PICALM: variants seen among roughly 807,000 people sequenced by gnomAD.
The protein encoded by PICALM is phosphatidylinositol-binding clathrin assembly protein.
In PICALM, 40 loss-of-function variants were observed where a neutral mutation model predicts 80.5. That is an observed-to-expected ratio of 0.50 (90% CI 0.39 to 0.65). The LOEUF is 0.65. Ranked by LOEUF, PICALM falls within the 30% of genes least tolerant of loss-of-function variation. The pLI is 0.00. For missense variants in PICALM, 676 were observed against 778.9 expected (o/e 0.87, Z 1.57); for synonymous variants, 288 against 260.3 (o/e 1.11, Z -1.02).
intron 1 of PICALM, among the ~76,000 whole-genome samples, chr11:86,061,942 C>T (rs1266904960): frequency 6.6e-6 from 1 of 151,894 alleles, no homozygotes; most frequent in East Asian, 1.9e-4. Flanking sequence ...AAAAAAAAAG[C>T]TGTCAAACCG....
chr11:86,024,945 T>G (rs754553131), intron 3 of PICALM, among the ~76,000 whole-genome samples: 1 of 152,206 alleles, frequency 6.6e-6, no homozygotes, highest in Non-Finnish European at 1.5e-5. Flanking sequence ...AGCCTCACTG[T>G]TGAATATTCC....
rs141075894 is a variant in PICALM at position 85,971,685 on chromosome 11, G to A, written c.1944+3023C>T. Among the ~76,000 whole-genome samples, 591 of 151,240 alleles carry A rather than the reference G, an allele frequency of 3.9e-3. 2 individuals carry two copies. Among genetic ancestry groups the A allele is most frequent in the Middle Eastern group, 0.01 (3 of 290 alleles). ...TGGGAGATGGAGGTTGCAGTGAGCC[G>A]AGATCGCACCACTGTACTCGAGTCT... On this transcript the variant is annotated intron_variant, in intron 19 of 19. Transcript: ENST00000393346.
intron 1 of PICALM, among the ~76,000 whole-genome samples, chr11:86,035,594 T>C (rs1177451077): frequency 1.3e-5 from 2 of 152,226 alleles, no homozygotes; most frequent in Admixed American, 6.5e-5. Flanking sequence ...ACTTCTTTTT[T>C]ACACCTGCCC....
At chr11:86,012,468 T>G (rs2095415224) in intron 5 of PICALM, 76 bp from the exon 6 acceptor site, 1 of 803,354 alleles carries the variant, frequency 1.2e-6, no homozygotes, top group Admixed American at 2.0e-5. Context: ...TCCTTCAAAT[T>G]AAGATACAGT....
chr11:85,990,282 G>T lies in PICALM; in HGVS notation c.1376C>A (p.Thr459Asn). Reference protein sequence around the residue: ...LSISSDVSTFTTRTPTHEMFV... With the variant: ...LSISSDVSTFNTRTPTHEMFV... ...CATTTCATGAGTAGGTGTCCTAGTA[G>T]TAAAAGTAGATACATCTGAAGAAAT... Residue 459 changes from threonine (T) to asparagine (N), a missense_variant, in exon 13 of 20, where the codon ACT becomes AAT. Physicochemically the swap from Thr to Asn is moderately conservative, Grantham distance 65 (BLOSUM62 0). Transcript: ENST00000393346. 1 of 1,605,726 alleles carries T rather than the reference G, an allele frequency of 6.2e-7. No homozygotes were observed. The highest frequency in any genetic ancestry group is 1.1e-5 in the South Asian group (1 of 90,568).
rs775072780 is a variant in PICALM at position 85,986,365 on chromosome 11, A to ATTTTTTT, written c.1409-2399_1409-2393dup. On this transcript the variant is annotated intron_variant, in intron 13 of 19. Transcript: ENST00000393346. The stretch of plus-strand genomic sequence containing the variant: ...AAACTATCAGGACTGCCAACTTTTA[A>ATTTTTTT]TTTTTTTTTTTTTTTTTTTTTTTTT... Among the ~76,000 whole-genome samples, 51 of 73,744 alleles carry ATTTTTTT rather than the reference A, an allele frequency of 6.9e-4. 8 individuals are homozygous for ATTTTTTT. Among genetic ancestry groups the ATTTTTTT allele is most frequent in the South Asian group, 2.5e-3 (4 of 1,622 alleles). The allele number at this position is 73,744 out of a possible 152,430, so 48.4% of individuals were successfully genotyped here. A position where few individuals can be genotyped will look rare whatever the true frequency, so the allele number is the denominator to read the frequency against.
At chr11:86,065,784 CA>C (rs1240312584) in intron 1 of PICALM, among the ~76,000 whole-genome samples, 7 of 151,884 alleles carry the variant, frequency 4.6e-5, no homozygotes, top group Admixed American at 3.9e-4. Context: ...ATAAGCAAAG[CA>C]AAAAAATCTT....
chr11:85,983,630 T>C lies in PICALM; in HGVS notation c.1516+236A>G, dbSNP rs113988407. 1.6e-3 allele frequency among the ~76,000 whole-genome samples: 245 copies of C among 152,290 alleles called. 2 individuals are homozygous for C. Among genetic ancestry groups the C allele is most frequent in the African/African-American group, 5.5e-3 (229 of 41,572 alleles). On this transcript the variant is annotated intron_variant, in intron 14 of 19. Coordinates refer to ENST00000393346, the MANE Select transcript of PICALM (RefSeq NM_007166.4). ...TTCTACAGAGCTAAATCTCTTTTTCTCTCTTATTTTGCTCTAGGACTAACT... is the reference window on the plus strand; with the variant it reads ...TTCTACAGAGCTAAATCTCTTTTTCCCTCTTATTTTGCTCTAGGACTAACT...
intron 1 of PICALM, among the ~76,000 whole-genome samples, chr11:86,042,418 A>T (rs2095989372): frequency 6.6e-6 from 1 of 152,060 alleles, no homozygotes; most frequent in African/African-American, 2.4e-5. Flanking sequence ...TTAAACAATA[A>T]GAAAACAAAC....
In PICALM at chr11:85,996,917, C is replaced by T; in HGVS notation, c.1167G>A (p.Leu389=). 1 of 1,610,778 alleles carries T rather than the reference C, an allele frequency of 6.2e-7. No individual in the cohort carries two copies. The highest frequency in any genetic ancestry group is 2.2e-5 in the East Asian group (1 of 44,690). ...GCTGCAAATCAAGCAGATCATTGGG[C>T]AGCTTTGATGTGCTAGAAAGATATT... ...TPSSSNSTSK[L]PNDLLDLQQP... Residue 389 remains leucine, a synonymous_variant, in exon 12 of 20, where the codon CTG becomes CTA. Transcript: ENST00000393346.
At chr11:86,038,329 T>TAAACA (rs1300345552) in intron 1 of PICALM, among the ~76,000 whole-genome samples, 1 of 147,662 alleles carries the variant, frequency 6.8e-6, no homozygotes, top group African/African-American at 2.5e-5. Context: ...CGAAAAAAAT[T>TAAACA]AAACAAAACA....
At chr11:85,978,050 G>T (rs371402533) in intron 17 of PICALM, 56 of 1,606,110 alleles carry the variant, frequency 3.5e-5, no homozygotes, top group Non-Finnish European at 4.6e-5. Context: ...TTGCAAAAAG[G>T]CTCGTTTTTG....
chr11:86,018,305 T>C (rs553380313), intron 4 of PICALM, among the ~76,000 whole-genome samples: 2 of 152,248 alleles, frequency 1.3e-5, no homozygotes, highest in South Asian at 2.1e-4. Flanking sequence ...AATCAACTAA[T>C]ATAAAATGAA....
At chr11:86,005,829 CCAT>C (rs890356519) in intron 8 of PICALM, among the ~76,000 whole-genome samples, 3 of 151,642 alleles carry the variant, frequency 2.0e-5, no homozygotes, top group African/African-American at 4.8e-5. Flanking sequence ...TGCATTACCA[CCAT>C]CGTCCCTAAA....
Position 85,981,152 on chromosome 11 carries a change from T to C in PICALM, c.1756A>G (p.Thr586Ala), listed in dbSNP as rs1203311159. Residue 586 changes from threonine to alanine, a missense_variant, in exon 17 of 20, where the codon ACC becomes GCC. By Grantham distance (58) the Thr-to-Ala change is moderately conservative. Around this residue, in one of 2 missense-constraint regions of PICALM, gnomAD observed 391 missense variants for 383.6 expected, o/e 1.02. Coordinates refer to ENST00000393346, the MANE Select transcript of PICALM (RefSeq NM_007166.4). The part of the protein sequence containing the change: ...SNWQPKVAPT[T>A]AWNAATMAPP... ...ACCATTGTTGCAGCATTCCAAGCGG[T>C]TGTTGGTGCAACCTTTGGTTGCCAG... 1.3e-6 allele frequency: 2 copies of C among 1,598,584 alleles called. No homozygotes were observed. The highest frequency in any genetic ancestry group is 1.7e-6 in the Non-Finnish European group (2 of 1,165,928).
intron 1 of PICALM, among the ~76,000 whole-genome samples, chr11:86,067,456 C>G (rs148963156): frequency 2.6e-5 from 4 of 151,944 alleles, no homozygotes; most frequent in African/African-American, 9.7e-5. Context: ...GGTAAAAGAG[C>G]GCAAAGAAAA....
At chr11:85,999,332 G>T (rs2095073866) in intron 11 of PICALM, among the ~76,000 whole-genome samples, 1 of 152,144 alleles carries the variant, frequency 6.6e-6, no homozygotes, top group African/African-American at 2.4e-5. Context: ...TGTAAGATTT[G>T]CCCTTAATTA....
intron 1 of PICALM, among the ~76,000 whole-genome samples, chr11:86,032,828 A>T (rs2095781632): frequency 6.6e-6 from 1 of 152,334 alleles, no homozygotes; most frequent in Admixed American, 6.5e-5. Flanking sequence ...AATTCAAATG[A>T]TCTAACTTGG....
At chr11:86,069,738 C>T (rs1315673607), upstream of PICALM, 1 of 152,174 alleles carries the variant, frequency 6.6e-6, no homozygotes, top group Non-Finnish European at 1.5e-5. Flanking sequence ...GGTTTTTTCC[C>T]CCCTTTCCTT....
Sources: gnomAD v4.1 joint callset for allele counts (sites outside exome capture counted in the v4.1 genomes callset) on GRCh38, gnomAD v4.1.1 for gene constraint, gnomAD v4.1.1 regional missense constraint, MANE v1.5 for transcripts, NCBI Gene and HGNC (gene_info 2026-07-23, HGNC 2026-07-21) for gene names.